The following SEMA3A variants were observed in gnomAD, a reference collection of about 807,000 sequenced individuals.
SEMA3A encodes semaphorin-3A.
In SEMA3A, 29 loss-of-function variants were observed where a neutral mutation model predicts 97.9. That is an observed-to-expected ratio of 0.30 (90% CI 0.22 to 0.40). The LOEUF is 0.40. Ranked by LOEUF, SEMA3A falls within the 10% of genes least tolerant of loss-of-function variation. SEMA3A has a pLI of 1.00. For synonymous variants in SEMA3A, 321 were observed against 323.7 expected, an observed-to-expected ratio of 0.99 and a Z score of 0.09; for missense variants, 763 against 951.3, an observed-to-expected ratio of 0.80 and a Z score of 2.60.
intron 3 of SEMA3A, among the ~76,000 whole-genome samples, chr7:84,299,630 T>A (rs2115819421): frequency 6.6e-6 from 1 of 151,628 alleles, no homozygotes; most frequent in African/African-American, 2.4e-5. Context: ...TGAGGAAAGC[T>A]GATAATGTAA....
At chr7:84,217,372 G>T (rs2116329984) in intron 3 of SEMA3A, among the ~76,000 whole-genome samples, 1 of 152,232 alleles carries the variant, frequency 6.6e-6, no homozygotes, top group Admixed American at 6.5e-5. Flanking sequence ...CAGGTGCTTT[G>T]TCTCCTATGG....
intron 6 of SEMA3A, among the ~76,000 whole-genome samples, chr7:84,015,068 C>T (rs946930631): frequency 4.6e-5 from 7 of 152,128 alleles, no homozygotes; most frequent in African/African-American, 9.7e-5. Flanking sequence ...TGTCTCCACA[C>T]GACAGCCAGA....
chr7:84,365,804 C>T lies in SEMA3A; in HGVS notation c.-169+6020G>A, dbSNP rs150069782. On this transcript the variant is annotated intron_variant, in intron 2 of 3. Transcript: ENST00000424555. Reference sequence around the variant, plus strand: ...AGACACAATCTGATATTGAGAACTGCATGAATATCACAAGATAATTATTCT... The same window carrying T: ...AGACACAATCTGATATTGAGAACTGTATGAATATCACAAGATAATTATTCT... 4.3e-3 allele frequency among the ~76,000 whole-genome samples: 657 copies of T among 151,342 alleles called. 4 individuals are homozygous for T. The Middle Eastern group carries it at 0.048, about 11-fold the overall frequency.
At chr7:84,198,482 A>G (rs892051654), upstream of SEMA3A, among the ~76,000 whole-genome samples, 2 of 152,268 alleles carry the variant, frequency 1.3e-5, no homozygotes, top group Admixed American at 1.3e-4. Flanking sequence ...GATTACAGGC[A>G]TGAGCCACTG....
chr7:84,359,616 C>G (rs928845543), intron 2 of SEMA3A, among the ~76,000 whole-genome samples: 9 of 152,112 alleles, frequency 5.9e-5, no homozygotes, highest in Non-Finnish European at 1.3e-4. Flanking sequence ...TGTGGTGTCT[C>G]TGCCAGGCTT....
intron 4 of SEMA3A, among the ~76,000 whole-genome samples, chr7:84,082,555 C>A (rs1794200074): frequency 6.6e-6 from 1 of 151,936 alleles, no homozygotes; most frequent in African/African-American, 2.4e-5. Context: ...TTTAAGTCAT[C>A]TTTATTTATG....
At chr7:84,074,836 A>C (rs2115769242) in intron 4 of SEMA3A, among the ~76,000 whole-genome samples, 1 of 152,232 alleles carries the variant, frequency 6.6e-6, no homozygotes, top group Non-Finnish European at 1.5e-5. Context: ...TCTACACTTT[A>C]GGAAAAAAAT....
intron 1 of SEMA3A, among the ~76,000 whole-genome samples, chr7:84,456,694 G>A (rs1014530586): frequency 2.0e-5 from 3 of 151,554 alleles, no homozygotes; most frequent in African/African-American, 4.8e-5. Context: ...AATTGAAAAA[G>A]TTGTCATTTT....
chr7:84,487,700 A>T (rs924120605), intron 1 of SEMA3A, among the ~76,000 whole-genome samples: 21 of 152,194 alleles, frequency 1.4e-4, no homozygotes, highest in African/African-American at 4.8e-4. Flanking sequence ...GTTTTTAAGT[A>T]ATCATCAATC....
At chr7:84,480,374 C>A (rs1287484594) in intron 1 of SEMA3A, among the ~76,000 whole-genome samples, 1 of 152,134 alleles carries the variant, frequency 6.6e-6, no homozygotes, top group Non-Finnish European at 1.5e-5. Context: ...AACACAAAAA[C>A]ATTAAAAGTA....
chr7:84,097,948 C>G (rs904924608), intron 4 of SEMA3A, among the ~76,000 whole-genome samples: 6 of 151,646 alleles, frequency 4.0e-5, no homozygotes, highest in African/African-American at 1.2e-4. Context: ...TTCATAAGTA[C>G]AAAATTAGAG....
chr7:83,971,653 A>G (rs1057391542), intron 15 of SEMA3A, among the ~76,000 whole-genome samples: 1 of 152,164 alleles, frequency 6.6e-6, no homozygotes, highest in Non-Finnish European at 1.5e-5. Context: ...GCATGTACCA[A>G]CAAATGAATG....
chr7:84,318,892 A>C (rs1436420771), intron 2 of SEMA3A, among the ~76,000 whole-genome samples: 1 of 152,160 alleles, frequency 6.6e-6, no homozygotes, highest in East Asian at 1.9e-4. Flanking sequence ...AGGCCAATGA[A>C]ACAGTAACCT....
intron 1 of SEMA3A, among the ~76,000 whole-genome samples, chr7:84,140,963 T>C (rs539675224): frequency 1.3e-5 from 2 of 152,222 alleles, no homozygotes; most frequent in Non-Finnish European, 2.9e-5. Flanking sequence ...ATAAATAAAT[T>C]TGCATAATGG....
Position 84,381,907 on chromosome 7 carries a change from CT to C in SEMA3A, c.-245-10008del, listed in dbSNP as rs1256261347. ...CATCAAGAATAAGAAAGTTTGAGGA[CT>C]TACTTGATATTTTTAAACATTTACT... On this transcript the variant is annotated intron_variant, in intron 1 of 3. Transcript: ENST00000424555. Among the ~76,000 whole-genome samples, 4 of 152,134 alleles carry C rather than the reference CT, an allele frequency of 2.6e-5. No individual in the cohort carries two copies. In the East Asian group the frequency reaches 7.8e-4, roughly 30 times the overall value.
chr7:84,209,328 T>C (rs1284602443), intron 3 of SEMA3A, among the ~76,000 whole-genome samples: 1 of 152,230 alleles, frequency 6.6e-6, no homozygotes, highest in Non-Finnish European at 1.5e-5. Flanking sequence ...TTTGTGCATG[T>C]ATTTGTGTGA....
intron 1 of SEMA3A, among the ~76,000 whole-genome samples, chr7:84,403,079 G>T (rs1158600411): frequency 6.6e-6 from 1 of 152,144 alleles, no homozygotes; most frequent in Non-Finnish European, 1.5e-5. Flanking sequence ...CATGGTGCAT[G>T]AGCCAAAGCA....
At chr7:84,227,360 ATTC>A (rs1799014067) in intron 3 of SEMA3A, among the ~76,000 whole-genome samples, 1 of 152,022 alleles carries the variant, frequency 6.6e-6, no homozygotes, top group African/African-American at 2.4e-5. Context: ...ACCAGCAAGC[ATTC>A]ATTTGCTACC....
chr7:84,021,721 G>C (rs1036203104), intron 6 of SEMA3A, among the ~76,000 whole-genome samples: 2 of 152,176 alleles, frequency 1.3e-5, no homozygotes, highest in Admixed American at 6.5e-5. Flanking sequence ...ACAGTGCATA[G>C]TTCCCAAATG....
Sources: gnomAD v4.1 joint callset for allele counts (sites outside exome capture counted in the v4.1 genomes callset) on GRCh38, gnomAD v4.1.1 for gene constraint, MANE v1.5 for transcripts, NCBI Gene and HGNC (gene_info 2026-07-23, HGNC 2026-07-21) for gene names.